The following INPP4B variants were observed in gnomAD, a reference collection of about 807,000 sequenced individuals.
The protein encoded by INPP4B is inositol polyphosphate 4-phosphatase type II.
In INPP4B, 55 loss-of-function variants were observed where a neutral mutation model predicts 122.5. The observed-to-expected ratio is 0.45, with a 90% confidence interval of 0.36 to 0.56. The LOEUF (loss-of-function observed/expected upper bound fraction) is 0.56. Ranked by LOEUF, INPP4B falls within the 20% of genes least tolerant of loss-of-function variation. The probability of loss-of-function intolerance (pLI) is 0.00; values close to 1 mark genes in which losing one functional copy is unlikely to be tolerated. For synonymous variants in INPP4B, 403 were observed against 388.7 expected (o/e 1.04, Z -0.43); for missense variants, 1,000 against 1,097.7 (o/e 0.91, Z 1.26).
chr4:142,683,946 A>AT (rs1172161998), intron 2 of INPP4B, among the ~76,000 whole-genome samples: 1 of 151,916 alleles, frequency 6.6e-6, no homozygotes, highest in African/African-American at 2.4e-5. Context: ...GAGTGACAGG[A>AT]TTTTTGGATA....
rs58813992 is a variant in INPP4B, at chr4:142,409,854, C to T, written c.137-4530G>A. On this transcript the variant is annotated intron_variant, in intron 5 of 25. Coordinates refer to ENST00000262992, the MANE Select transcript of INPP4B (RefSeq NM_001101669.3). ...ATTCTAGTCTTGACGCTTACAGCTA[C>T]TACCTAGCCTCTTAGGAAGAGGGCA... Among the ~76,000 whole-genome samples, 1,317 of 152,322 alleles carry T rather than the reference C, an allele frequency of 8.6e-3. 20 individuals carry two copies. The highest frequency in any genetic ancestry group is 0.03 in the African/African-American group (1,236 of 41,580).
At chr4:142,111,484 T>C (rs766875264) in intron 22 of INPP4B, among the ~76,000 whole-genome samples, 49 of 151,938 alleles carry the variant, frequency 3.2e-4, no homozygotes, top group Non-Finnish European at 6.5e-4. Flanking sequence ...ATAGCTGAGA[T>C]TACAGGCACC....
chr4:142,624,545 A>T (rs1345945859), intron 2 of INPP4B, among the ~76,000 whole-genome samples: 1 of 152,196 alleles, frequency 6.6e-6, no homozygotes, highest in East Asian at 1.9e-4. Flanking sequence ...GAATTCTATC[A>T]GAGGTACAAG....
chr4:142,803,181 A>G (rs2151095433), intron 1 of INPP4B, among the ~76,000 whole-genome samples: 1 of 149,138 alleles, frequency 6.7e-6, no homozygotes, highest in South Asian at 2.2e-4. Context: ...CAAAAAAAAA[A>G]AAAAAGAAAG....
At chr4:142,548,225 T>C (rs193030915) in intron 2 of INPP4B, among the ~76,000 whole-genome samples, 19 of 152,270 alleles carry the variant, frequency 1.2e-4, no homozygotes, top group African/African-American at 4.1e-4. Context: ...GACAGAGCAA[T>C]GTTTCCAGCA....
At chr4:142,115,712 A>C (rs564457085) in intron 21 of INPP4B, among the ~76,000 whole-genome samples, 2 of 152,314 alleles carry the variant, frequency 1.3e-5, no homozygotes, top group East Asian at 3.9e-4. Flanking sequence ...AAAACAGTGC[A>C]AATTATAAAG....
intron 25 of INPP4B, among the ~76,000 whole-genome samples, chr4:142,034,099 G>A (rs1247641996): frequency 6.6e-6 from 1 of 152,188 alleles, no homozygotes. Context: ...TGACAGTGCT[G>A]AGACTGAGAG....
rs1579853039 is a variant in INPP4B at position 142,364,049 on chromosome 4, T to C, written c.372+38889A>G. On this transcript the variant is annotated intron_variant, in intron 7 of 25. Transcript: ENST00000262992. ...GGGTGGGAAGATTCTAGAAAAGCAA[T>C]ATAGCTTTGTTACTTCATTATTTTC... Among the ~76,000 whole-genome samples, 2 of 152,002 alleles carry C rather than the reference T, an allele frequency of 1.3e-5. 1 individual carries two copies. The highest frequency in any genetic ancestry group is 3.9e-4 in the East Asian group (2 of 5,152).
At chr4:142,724,391 A>C (rs1765080356) in intron 2 of INPP4B, among the ~76,000 whole-genome samples, 1 of 152,066 alleles carries the variant, frequency 6.6e-6, no homozygotes, top group Admixed American at 6.6e-5. Flanking sequence ...CATCTCATTC[A>C]GGATATTTCT....
rs530926378 is a variant in INPP4B at position 142,438,318 on chromosome 4, T to G, written c.-126-6933A>C. ...TTCTAACTATACTACAAGGCTATAG[T>G]AACCAAAACAGCATGGTACTGTTAC... On this transcript the variant is annotated intron_variant, in intron 3 of 25. Coordinates refer to ENST00000262992, the MANE Select transcript of INPP4B (RefSeq NM_001101669.3). Among the ~76,000 whole-genome samples, 169 of 152,300 alleles carry G rather than the reference T, an allele frequency of 1.1e-3. 1 individual carries two copies. The highest frequency in any genetic ancestry group is 3.8e-3 in the African/African-American group (159 of 41,566).
At chr4:142,421,334 T>C (rs1013463098) in intron 5 of INPP4B, among the ~76,000 whole-genome samples, 1 of 152,128 alleles carries the variant, frequency 6.6e-6, no homozygotes, top group Non-Finnish European at 1.5e-5. Context: ...AATTATTGTC[T>C]ATATAAGTAG....
In INPP4B at chr4:142,790,777, T is replaced by C. The variant is rs1776436421; in HGVS notation, c.-254+55432A>G. On this transcript the variant is annotated intron_variant, in intron 1 of 25. Coordinates refer to ENST00000262992, the MANE Select transcript of INPP4B (RefSeq NM_001101669.3). ...ATGCAGAAAAGAATGTTATTCTAAA[T>C]TGAGGTCCTTTTTTTCTTATATTAA... Among the ~76,000 whole-genome samples the C allele has an allele frequency of 2.6e-5, 4 of 152,066 alleles. No individual in the cohort carries two copies. The South Asian group carries it at 8.3e-4, about 31-fold the overall frequency.
intron 10 of INPP4B, among the ~76,000 whole-genome samples, chr4:142,267,028 C>G (rs1743151633): frequency 6.6e-6 from 1 of 151,960 alleles, no homozygotes; most frequent in African/African-American, 2.4e-5. Context: ...GTACTGAAAA[C>G]TATAAAACAT....
At chr4:142,449,207 G>A (rs1487434082) in intron 3 of INPP4B, among the ~76,000 whole-genome samples, 1 of 152,162 alleles carries the variant, frequency 6.6e-6, no homozygotes, top group Non-Finnish European at 1.5e-5. Flanking sequence ...ACTAGTTAGT[G>A]ATGTTCTCCT....
At chr4:142,631,764 A>G (rs1268326407) in intron 2 of INPP4B, among the ~76,000 whole-genome samples, 1 of 152,216 alleles carries the variant, frequency 6.6e-6, no homozygotes, top group Non-Finnish European at 1.5e-5. Context: ...AAGGAAGCTG[A>G]ACACGTAAAA....
intron 2 of INPP4B, among the ~76,000 whole-genome samples, chr4:142,613,174 T>C (rs1047159872): frequency 6.6e-6 from 1 of 152,180 alleles, no homozygotes; most frequent in African/African-American, 2.4e-5. Flanking sequence ...GACCTACCAG[T>C]CTTTAACTGT....
At chr4:142,742,746 G>C (rs1415379586) in intron 1 of INPP4B, among the ~76,000 whole-genome samples, 2 of 151,782 alleles carry the variant, frequency 1.3e-5, no homozygotes, top group Non-Finnish European at 2.9e-5. Context: ...GATATAAGAA[G>C]AACTGGAAAA....
intron 3 of INPP4B, among the ~76,000 whole-genome samples, chr4:142,456,977 T>C (rs1277435065): frequency 6.6e-6 from 1 of 152,020 alleles, no homozygotes; most frequent in Non-Finnish European, 1.5e-5. Context: ...TACCGAATAA[T>C]AAGACAGAGA....
intron 7 of INPP4B, among the ~76,000 whole-genome samples, chr4:142,381,964 G>C (rs1794256857): frequency 1.3e-5 from 2 of 151,838 alleles, no homozygotes; most frequent in Non-Finnish European, 2.9e-5. Context: ...TTCAATGCCT[G>C]ATCAGGTAAG....
Sources: gnomAD v4.1 joint callset for allele counts (sites outside exome capture counted in the v4.1 genomes callset) on GRCh38, gnomAD v4.1.1 for gene constraint, MANE v1.5 for transcripts, NCBI Gene and HGNC (gene_info 2026-07-23, HGNC 2026-07-21) for gene names.